Variants in CACNB2 observed in about 807,000 individuals in gnomAD.
CACNB2 encodes voltage-dependent L-type calcium channel subunit beta-2.
In CACNB2, 42 loss-of-function variants were observed where a neutral mutation model predicts 73.3. That is an observed-to-expected ratio of 0.57 (90% CI 0.45 to 0.74). CACNB2 has a LOEUF of 0.74. Among genes scored for constraint, CACNB2 ranks in the 30% least tolerant of loss-of-function variants. The probability of loss-of-function intolerance (pLI) is 0.00; values close to 1 mark genes in which losing one functional copy is unlikely to be tolerated. For missense variants in CACNB2, 940 were observed against 853.0 expected, an observed-to-expected ratio of 1.10 and a Z score of -1.27; for synonymous variants, 348 against 310.3, an observed-to-expected ratio of 1.12 and a Z score of -1.28.
chr10:18,375,426 C>G (rs938070230), intron 2 of CACNB2, among the ~76,000 whole-genome samples: 2 of 152,096 alleles, frequency 1.3e-5, no homozygotes, highest in African/African-American at 4.8e-5. Context: ...AGTATTTACT[C>G]TTTGGATTGA....
At chr10:18,451,135 G>A (rs2047003495) in intron 3 of CACNB2, among the ~76,000 whole-genome samples, 1 of 152,182 alleles carries the variant, frequency 6.6e-6, no homozygotes, top group South Asian at 2.1e-4. Context: ...GCAGAGCTGG[G>A]ATTTGAAGGA....
At chr10:18,434,817 G>T (rs189481943) in intron 3 of CACNB2, among the ~76,000 whole-genome samples, 1 of 152,160 alleles carries the variant, frequency 6.6e-6, no homozygotes, top group Non-Finnish European at 1.5e-5. Context: ...AAGGAAGCAG[G>T]CACTCCCCTA....
At chr10:18,300,574 T>G (rs1370590533) in intron 2 of CACNB2, among the ~76,000 whole-genome samples, 1 of 152,252 alleles carries the variant, frequency 6.6e-6, no homozygotes, top group Non-Finnish European at 1.5e-5. Context: ...ACTCTAGGTG[T>G]TTGTTATGCC....
intron 2 of CACNB2, among the ~76,000 whole-genome samples, chr10:18,307,921 C>T (rs1333766922): frequency 6.8e-6 from 1 of 147,776 alleles, no homozygotes; most frequent in African/African-American, 2.5e-5. Context: ...GTGTGTATTA[C>T]ACTGCTTCAG....
At chr10:18,196,681 C>G (rs919866124) in intron 2 of CACNB2, among the ~76,000 whole-genome samples, 1 of 152,170 alleles carries the variant, frequency 6.6e-6, no homozygotes, top group South Asian at 2.1e-4. Flanking sequence ...TAACTTTTAT[C>G]ACATCTATTC....
At chr10:18,529,195 A>T (rs2133240091) in intron 10 of CACNB2, among the ~76,000 whole-genome samples, 1 of 152,312 alleles carries the variant, frequency 6.6e-6, no homozygotes, top group Non-Finnish European at 1.5e-5. Context: ...AATTTTTTAG[A>T]CTCATCAGTG....
intron 2 of CACNB2, among the ~76,000 whole-genome samples, chr10:18,348,976 C>A (rs781690290): frequency 7.2e-5 from 11 of 152,102 alleles, no homozygotes; most frequent in Non-Finnish European, 1.5e-4. Flanking sequence ...TAAAAATCAG[C>A]CACATGTGGT....
At chr10:18,401,231 G>A (rs2043979406) in intron 2 of CACNB2, 2 of 1,087,370 alleles carry the variant, frequency 1.8e-6, no homozygotes, top group Admixed American at 4.1e-5. Context: ...AGGGAAGCTA[G>A]GGAGATTCCT....
intron 2 of CACNB2, among the ~76,000 whole-genome samples, chr10:18,209,951 T>A (rs1040302159): frequency 1.3e-5 from 2 of 152,136 alleles, no homozygotes; most frequent in Non-Finnish European, 2.9e-5. Flanking sequence ...ATGTCTAGAT[T>A]TTGAAATGGA....
At chr10:18,436,020 C>T (rs1176327917) in intron 3 of CACNB2, among the ~76,000 whole-genome samples, 1 of 152,144 alleles carries the variant, frequency 6.6e-6, no homozygotes, top group Non-Finnish European at 1.5e-5. Flanking sequence ...CTCTAAAATG[C>T]TTAGATCATT....
chr10:18,241,729 A>G (rs2036658721), intron 2 of CACNB2, among the ~76,000 whole-genome samples: 1 of 152,114 alleles, frequency 6.6e-6, no homozygotes, highest in South Asian at 2.1e-4. Flanking sequence ...AATTTAGATT[A>G]TATTTTAATT....
At chr10:18,359,161 A>T (rs1253329322) in intron 2 of CACNB2, among the ~76,000 whole-genome samples, 1 of 152,136 alleles carries the variant, frequency 6.6e-6, no homozygotes, top group Non-Finnish European at 1.5e-5. Flanking sequence ...TTGCAGACAT[A>T]ACCTTAAACT....
intron 2 of CACNB2, among the ~76,000 whole-genome samples, chr10:18,368,242 A>G (rs2042435666): frequency 6.6e-6 from 1 of 152,170 alleles, no homozygotes. Flanking sequence ...GGTCATTTCT[A>G]CTAATATGGG....
At chr10:18,241,602 C>T (rs2036654079) in intron 2 of CACNB2, among the ~76,000 whole-genome samples, 1 of 151,584 alleles carries the variant, frequency 6.6e-6, no homozygotes, top group East Asian at 1.9e-4. Flanking sequence ...AAGATACATA[C>T]AGGTGACCTA....
intron 2 of CACNB2, among the ~76,000 whole-genome samples, chr10:18,276,375 G>A (rs890058973): frequency 6.6e-6 from 1 of 152,156 alleles, no homozygotes; most frequent in Non-Finnish European, 1.5e-5. Context: ...AAACTACATG[G>A]ACGGCACCCT....
chr10:18,488,436 C>T (rs1363005794), intron 3 of CACNB2, among the ~76,000 whole-genome samples: 1 of 135,336 alleles, frequency 7.4e-6, no homozygotes, highest in Non-Finnish European at 1.5e-5. Flanking sequence ...AATCACACCA[C>T]TGCACTCCGG....
intron 2 of CACNB2, among the ~76,000 whole-genome samples, chr10:18,310,630 T>TAAAAAAAAAAAAAAAAA (rs760799280): frequency 1.0e-5 from 1 of 99,506 alleles, no homozygotes; most frequent in African/African-American, 3.8e-5. Flanking sequence ...AAAAAAAAAG[T>TAAAAAAAAAAAAAAAAA]AAAAAAAAAA....
intron 2 of CACNB2, among the ~76,000 whole-genome samples, chr10:18,218,068 A>G (rs561620566): frequency 6.6e-6 from 1 of 152,080 alleles, no homozygotes; most frequent in Non-Finnish European, 1.5e-5. Context: ...TTTGGGGGAG[A>G]ACTGAATTCT....
chr10:18,384,229 T>A (rs2043133141), intron 2 of CACNB2, among the ~76,000 whole-genome samples: 3 of 152,190 alleles, frequency 2.0e-5, no homozygotes, highest in Admixed American at 1.3e-4. Context: ...TCTGTGGTCA[T>A]GTTTTGAGGG....
Sources: gnomAD v4.1 joint callset for allele counts (sites outside exome capture counted in the v4.1 genomes callset) on GRCh38, gnomAD v4.1.1 for gene constraint, MANE v1.5 for transcripts, NCBI Gene and HGNC (gene_info 2026-07-23, HGNC 2026-07-21) for gene names.